Variants in SACS observed in about 807,000 individuals in gnomAD.
The protein encoded by SACS is sacsin.
SACS carries 197 observed loss-of-function variants against 348.0 expected under a neutral mutation model. The observed-to-expected ratio is 0.57, with a 90% CI of 0.50 to 0.64. SACS has a LOEUF of 0.64. Ranked by LOEUF, SACS falls within the 30% of genes least tolerant of loss-of-function variation. The probability of loss-of-function intolerance (pLI) is 0.00; values close to 1 mark genes in which losing one functional copy is unlikely to be tolerated. For missense variants in SACS, 4,999 were observed against 5,360.8 expected, an observed-to-expected ratio of 0.93 and a Z score of 2.11; for synonymous variants, 1,985 against 1,910.6, an observed-to-expected ratio of 1.04 and a Z score of -1.02.
In SACS at chr13:23,362,188, G is replaced by A. The variant is rs551691968; in HGVS notation, c.457+2978C>T. ...TGTGCATCACTCAGAAACCAACTCC[G>A]TGAGATCCAGGCCAAGGTGTGTCCT... On this transcript the variant is annotated intron_variant, in intron 6 of 9. Transcript: ENST00000382292. 2.6e-5 allele frequency among the ~76,000 whole-genome samples: 4 copies of A among 152,244 alleles called. No individual in the cohort carries two copies. The East Asian group carries it at 7.7e-4, about 29-fold the overall frequency.
intron 2 of SACS, among the ~76,000 whole-genome samples, chr13:23,395,049 T>A (rs1872657891): frequency 6.6e-6 from 1 of 152,272 alleles, no homozygotes; most frequent in South Asian, 2.1e-4. Flanking sequence ...TAAGATTGAG[T>A]ATACTGTAGA....
chr13:23,399,037 A>AAAAAAAAAC (rs55848856), intron 2 of SACS, among the ~76,000 whole-genome samples: 1 of 149,742 alleles, frequency 6.7e-6, no homozygotes, highest in African/African-American at 2.5e-5. Context: ...AAAAAAAAAA[A>AAAAAAAAAC]CATGGATGCC....
rs761974869 is a variant in SACS, at chr13:23,340,396, G to A, written c.3480C>T (p.Cys1160=). 1.5e-5 allele frequency: 25 copies of A among 1,614,072 alleles called. No homozygotes were observed. The highest frequency in any genetic ancestry group is 2.1e-5 in the Non-Finnish European group (25 of 1,180,008). ...TLKKIKWVPA[C]KERPPNYPGS... ...CTGGATAATTTGGAGGCCTTTCCTT[G>A]CAGGCTGGAACCCATTTTATTTTCT... Residue 1160 remains cysteine (C), a synonymous_variant, in exon 10 of 10, where the codon TGC becomes TGT. Transcript: ENST00000382292.
At chr13:23,360,754 CT>C (rs11340654) in intron 6 of SACS, among the ~76,000 whole-genome samples, 100,581 of 125,258 alleles carry the variant, frequency 0.8, 40,025 homozygotes, top group East Asian at 0.96. Flanking sequence ...CTCCAAGGTA[CT>C]TTTTTTTTTT....
Position 23,371,138 on chromosome 13 carries a change from G to A in SACS, c.199C>T (p.Leu67=), listed in dbSNP as rs769143590. ...AAAAGATGACAATTTTTGGAAGTCAGATCTCCAATCTTGATCCAGTCAGAT... is the reference window on the plus strand; with the variant it reads ...AAAAGATGACAATTTTTGGAAGTCAAATCTCCAATCTTGATCCAGTCAGAT... The part of the protein sequence containing the change: ...ELSDWIKIGD[L]TSKNCHLFVN... The change falls in exon 4 of 10, where the codon CTG becomes TTG. Residue 67 remains leucine, a synonymous_variant. Transcript: ENST00000382292. 3 of 1,610,878 alleles carry A rather than the reference G, an allele frequency of 1.9e-6. No homozygotes were observed. Among genetic ancestry groups the A allele is most frequent in the Admixed American group, 1.7e-5 (1 of 59,874 alleles).
At position 23,333,918 on chromosome 13, in the gene SACS, C is replaced by T. The variant is rs1566060385; in HGVS notation, c.9958G>A (p.Val3320Ile). The stretch of plus-strand genomic sequence containing the variant: ...CCAGCTTTCATTAGAGCATGAAAAA[C>T]TTTATCACTCTGGGCATTTGGAAAA... ...AVFPNAQSDK[V>I]FHALMKAGCI... The change falls in exon 10 of 10, where the codon GTT (valine) becomes ATT (isoleucine). Residue 3320 changes from valine to isoleucine, a missense_variant. Physicochemically the swap from Val to Ile is conservative, Grantham distance 29. Around this residue, in one of 6 missense-constraint regions of SACS, gnomAD observed 734 missense variants for 694.0 expected, o/e 1.06. Transcript: ENST00000382292. The T allele has an allele frequency of 1.2e-6, 2 of 1,613,792 alleles. No individual in the cohort carries two copies. The highest frequency in any genetic ancestry group is 2.2e-5 in the South Asian group (2 of 91,074).
chr13:23,412,030 C>T (rs1251071813), intron 1 of SACS, among the ~76,000 whole-genome samples: 1 of 152,170 alleles, frequency 6.6e-6, no homozygotes. Context: ...GAGGCAGAGG[C>T]GCGCAGGTCA....
At chr13:23,365,866 A>G (rs138046158) in intron 5 of SACS, among the ~76,000 whole-genome samples, 1 of 152,280 alleles carries the variant, frequency 6.6e-6, no homozygotes, top group African/African-American at 2.4e-5. Context: ...TCAAGAAGAA[A>G]GCACTACCAT....
At chr13:23,410,062 T>G (rs1318088804) in intron 2 of SACS, among the ~76,000 whole-genome samples, 2 of 151,844 alleles carry the variant, frequency 1.3e-5, no homozygotes, top group African/African-American at 4.9e-5. Flanking sequence ...TGAAAAAAAG[T>G]CTGGTTCCAA....
At chr13:23,395,297 T>C (rs567981503) in intron 2 of SACS, among the ~76,000 whole-genome samples, 3 of 152,330 alleles carry the variant, frequency 2.0e-5, no homozygotes, top group Non-Finnish European at 4.4e-5. Flanking sequence ...TTGATGGCTG[T>C]ATGCTCCACC....
At chr13:23,402,028 A>C (rs1872999078) in intron 2 of SACS, among the ~76,000 whole-genome samples, 1 of 152,198 alleles carries the variant, frequency 6.6e-6, no homozygotes, top group African/African-American at 2.4e-5. Flanking sequence ...GACACAAAAA[A>C]TTAGCCAGGT....
At position 23,336,115 on chromosome 13, in the gene SACS, T is replaced by C. The variant is rs2137597595; in HGVS notation, c.7761A>G (p.Ala2587=). 1 of 1,612,918 alleles carries C rather than the reference T, an allele frequency of 6.2e-7. No individual in the cohort carries two copies. The highest frequency in any genetic ancestry group is 1.1e-5 in the South Asian group (1 of 90,988). The stretch of plus-strand genomic sequence containing the variant: ...ATGGCTGGTTGTTGTACACACAAAG[T>C]GCTGGCCCTTGCAATGGGGCCCACT... ...DDKWAPLQGP[A]LCVYNNQPFT... The change falls in exon 10 of 10, where the codon GCA becomes GCG. Residue 2587 remains alanine, a synonymous_variant. Coordinates refer to ENST00000382292, the MANE Select transcript of SACS (RefSeq NM_014363.6).
At position 23,382,783 on chromosome 13, in the gene SACS, G is replaced by GT. The variant is rs758674945; in HGVS notation, c.21-7515dup. ...TTGTTTTGTTTTGTGTGTGTGTGTG[G>GT]TTTTTGTTTTTTTTTTTGAGATAGA... is the stretch of plus-strand genomic sequence containing the variant. On this transcript the variant is annotated intron_variant, in intron 2 of 9. Coordinates refer to ENST00000382292, the MANE Select transcript of SACS (RefSeq NM_014363.6). Among the ~76,000 whole-genome samples, 1,199 of 137,936 alleles carry GT rather than the reference G, an allele frequency of 8.7e-3. 35 individuals carry two copies. The highest frequency in any genetic ancestry group is 0.012 in the South Asian group (50 of 4,274). The allele number at this position is 137,936 out of a possible 152,430, so 90.5% of individuals were successfully genotyped here. A position where few individuals can be genotyped will look rare whatever the true frequency, so the allele number is the denominator to read the frequency against.
At chr13:23,431,466 G>T (rs1370032813) in intron 1 of SACS, among the ~76,000 whole-genome samples, 1 of 152,194 alleles carries the variant, frequency 6.6e-6, no homozygotes, top group Non-Finnish European at 1.5e-5. Context: ...GACACATAAA[G>T]TAGAAATTAA....
At position 23,333,770 on chromosome 13, in the gene SACS, A is replaced by C. The variant is rs17078605; in HGVS notation, c.10106T>G (p.Val3369Gly). The C allele has an allele frequency of 1.9e-6, 3 of 1,613,642 alleles. No individual in the cohort carries two copies. Among genetic ancestry groups the C allele is most frequent in the Non-Finnish European group, 2.5e-6 (3 of 1,179,768 alleles). Residue 3369 changes from valine to glycine, a missense_variant, in exon 10 of 10, where the codon GTC (valine) becomes GGC (glycine). Physicochemically the swap from Val to Gly is moderately radical, Grantham distance 109 (BLOSUM62 -3). Transcript: ENST00000382292. ...TSILKALHYM[V>G]QTSTFRAEKL... ...TTCTGCTCTAAATGTTGAAGTTTGGACCATATAATGTAGAGCCTTCAAGAT... is the reference window on the plus strand; with the variant it reads ...TTCTGCTCTAAATGTTGAAGTTTGGCCCATATAATGTAGAGCCTTCAAGAT...
intron 1 of SACS, chr13:23,426,818 C>T (rs1226903536): frequency 1.3e-5 from 2 of 152,152 alleles, no homozygotes; most frequent in African/African-American, 4.8e-5. Flanking sequence ...TCTCAGAGAG[C>T]AGAGGAGTGA....
At position 23,356,106 on chromosome 13, in the gene SACS, G is replaced by A. The variant is rs2031641; in HGVS notation, c.605-99C>T. 81,005 of 969,702 alleles carry A rather than the reference G, an allele frequency of 0.084. 3,895 individuals carry two copies. Among genetic ancestry groups the A allele is most frequent in the Non-Finnish European group, 0.099 (63,617 of 643,614 alleles). The allele number at this position is 969,702 out of a possible 1,614,324, so 60.1% of individuals were successfully genotyped here. ...TATGAAAAAGCATGAGCCATTAAAT[G>A]ACTAAAACAGATTTATCTAAACACA... On this transcript the variant is annotated intron_variant, in intron 7 of 9. Coordinates refer to ENST00000382292, the MANE Select transcript of SACS (RefSeq NM_014363.6).
chr13:23,395,228 G>T (rs559351675), intron 2 of SACS, among the ~76,000 whole-genome samples: 1 of 152,122 alleles, frequency 6.6e-6, no homozygotes, highest in East Asian at 1.9e-4. Flanking sequence ...TGCTTGCAAA[G>T]TACCATTAGT....
intron 6 of SACS, among the ~76,000 whole-genome samples, chr13:23,359,696 A>G (rs2137750046): frequency 6.6e-6 from 1 of 152,274 alleles, no homozygotes; most frequent in Non-Finnish European, 1.5e-5. Flanking sequence ...GATGATTAAT[A>G]TTTTTCATTC....
Sources: allele counts gnomAD v4.1 joint callset (sites outside exome capture counted in the v4.1 genomes callset), GRCh38; gene constraint gnomAD v4.1.1; regional missense constraint gnomAD v4.1.1; transcripts MANE v1.5; gene names NCBI Gene and HGNC (gene_info 2026-07-23, HGNC 2026-07-21).